DDB1: variants seen among roughly 807,000 people sequenced by gnomAD.
The protein encoded by DDB1 is damage specific DNA binding protein 1, also known as DNA damage-binding protein 1.
Under a neutral mutation model 133.1 loss-of-function variants are expected in DDB1, and 18 were observed. The ratio of observed to expected loss-of-function variants is 0.14; its 90% CI spans 0.09 to 0.20. The LOEUF (loss-of-function observed/expected upper bound fraction) is 0.20. Among genes scored for constraint, DDB1 ranks in the 10% least tolerant of loss-of-function variants. The pLI is 1.00. For synonymous variants in DDB1, 580 were observed against 550.5 expected, an observed-to-expected ratio of 1.05 and a Z score of -0.75; for missense variants, 828 against 1,459.2, an observed-to-expected ratio of 0.57 and a Z score of 7.05.
Position 61,323,017 on chromosome 11 carries a change from A to T in DDB1, c.999T>A (p.Leu333=), listed in dbSNP as rs944213347. ...FVGSRLGDSQ[L]VKLNVDSNEQ... ...GAAACAAGTGTCTTCTCACCTTCAC[A>T]AGCTGGGAGTCACCCAGGCGAGACC... The change falls in exon 8 of 27, where the codon CTT becomes CTA. Residue 333 remains leucine, a synonymous_variant. Transcript: ENST00000301764. 1 of 1,613,538 alleles carries T rather than the reference A, an allele frequency of 6.2e-7. No individual in the cohort carries two copies. The highest frequency in any genetic ancestry group is 1.7e-5 in the Admixed American group (1 of 59,878).
chr11:61,331,563 T>C lies in DDB1; in HGVS notation c.190A>G (p.Met64Val), dbSNP rs557806013. The change falls in exon 2 of 27, where the codon ATG becomes GTG. Residue 64 changes from methionine to valine, a missense_variant. Physicochemically the swap from Met to Val is conservative, Grantham distance 21. Coordinates refer to ENST00000301764, the MANE Select transcript of DDB1 (RefSeq NM_001923.5). ...EVGMYGKIAV[M>V]ELFRPKGESK... Reference sequence around the variant, plus strand: ...CTTACCTTGGGCCTGAAAAGCTCCATGACCGCAATCTTCCCATACATGCCC... The same window carrying C: ...CTTACCTTGGGCCTGAAAAGCTCCACGACCGCAATCTTCCCATACATGCCC... The C allele has an allele frequency of 1.2e-6, 2 of 1,614,188 alleles. No homozygotes were observed. Among genetic ancestry groups the C allele is most frequent in the Admixed American group, 1.7e-5 (1 of 60,018 alleles).
At chr11:61,303,730 T>G in intron 22 of DDB1, 135 bp downstream of exon 22, 1 of 466,590 alleles carries the variant, frequency 2.1e-6, no homozygotes, top group Non-Finnish European at 3.6e-6. Flanking sequence ...AAAAACTTAA[T>G]CAATGTAGAA....
At chr11:61,319,089 C>G (rs1856135027) in intron 10 of DDB1, among the ~76,000 whole-genome samples, 2 of 152,136 alleles carry the variant, frequency 1.3e-5, no homozygotes, top group Non-Finnish European at 2.9e-5. Context: ...GGTTGGAGTC[C>G]CAGCTACTGG....
At chr11:61,330,199 A>T in intron 2 of DDB1, 125 bp from the exon 3 acceptor site, 2 of 709,028 alleles carry the variant, frequency 2.8e-6, no homozygotes, top group South Asian at 3.9e-5. Flanking sequence ...GAGAAAATAC[A>T]TGGTGAGCTT....
intron 19 of DDB1, 31 bp from the exon 20 acceptor site, chr11:61,309,991 C>T: frequency 6.2e-7 from 1 of 1,614,084 alleles, no homozygotes; most frequent in Non-Finnish European, 8.5e-7. Flanking sequence ...TACGTGATGA[C>T]AGGTTACCCA....
chr11:61,325,685 T>C lies in DDB1; in HGVS notation c.688A>G (p.Ile230Val). ...IAVPEPFGGA[I>V]IIGQESITYH... ...GTGATTGACTCCTGTCCAATGATGA[T>C]GGCCCCCCCAAAGGGCTCTGGGACT... Residue 230 changes from isoleucine to valine, a missense_variant, in exon 6 of 27, where the codon ATC becomes GTC. By Grantham distance (29) the Ile-to-Val change is conservative. Around this residue, in one of 7 missense-constraint regions of DDB1, gnomAD observed 210 missense variants for 344.8 expected, o/e 0.61. Coordinates refer to ENST00000301764, the MANE Select transcript of DDB1 (RefSeq NM_001923.5). The C allele has an allele frequency of 6.2e-7, 1 of 1,613,274 alleles. No individual in the cohort carries two copies. The highest frequency in any genetic ancestry group is 8.5e-7 in the Non-Finnish European group (1 of 1,179,656).
intron 19 of DDB1, 61 bp from the exon 20 acceptor site, chr11:61,310,021 C>T (rs529406512): frequency 8.7e-6 from 14 of 1,606,332 alleles, no homozygotes; most frequent in East Asian, 2.2e-5. Context: ...GCACACATAA[C>T]CCCGTATTTC....
rs762801897 is a variant in DDB1, at chr11:61,314,147, T to A, written c.1653A>T (p.Gly551=). 1 of 1,613,930 alleles carries A rather than the reference T, an allele frequency of 6.2e-7. No individual in the cohort carries two copies. Among genetic ancestry groups the A allele is most frequent in the Non-Finnish European group, 8.5e-7 (1 of 1,179,906 alleles). The change falls in exon 14 of 27, where the codon GGA becomes GGT. Residue 551 remains glycine, a synonymous_variant. Coordinates refer to ENST00000301764, the MANE Select transcript of DDB1 (RefSeq NM_001923.5). ...GGCCAATGGCACAAAGAGGGGACAG[T>A]CCATTGCTGTCTCCTAATGGGGTGA... ...LDITPLGDSN[G]LSPLCAIGLW...
intron 6 of DDB1, among the ~76,000 whole-genome samples, chr11:61,324,699 T>C (rs1015697312): frequency 6.6e-6 from 1 of 152,216 alleles, no homozygotes; most frequent in Non-Finnish European, 1.5e-5. Context: ...TTTGTTCTTT[T>C]TTCTCAAAAA....
intron 12 of DDB1, chr11:61,316,042 C>T (rs951221376): frequency 9.6e-6 from 4 of 418,424 alleles, no homozygotes; most frequent in Non-Finnish European, 1.7e-5. Context: ...TGACCCGAGT[C>T]TATAAAAGAA....
At position 61,331,531 on chromosome 11, in the gene DDB1, T is replaced by C. The variant is rs749007029; in HGVS notation, c.210+12A>G. The stretch of plus-strand genomic sequence containing the variant: ...TTCCCCCTCCACTGCTTGTCCCAAC[T>C]GCAACACTTACCTTGGGCCTGAAAA... On this transcript the variant is annotated intron_variant, in intron 2 of 26. Coordinates refer to ENST00000301764, the MANE Select transcript of DDB1 (RefSeq NM_001923.5). 8 of 1,612,652 alleles carry C rather than the reference T, an allele frequency of 5.0e-6. No homozygotes were observed. Among genetic ancestry groups the C allele is most frequent in the Non-Finnish European group, 2.5e-6 (3 of 1,178,794 alleles).
Position 61,300,190 on chromosome 11 carries a change from C to T in DDB1, c.3369G>A (p.Glu1123=). ...CCTTGATGAGGTCGTCTGCAGTGGCCTCTCGCTTCATACCGCTGCCATCGT... is the reference window on the plus strand; with the variant it reads ...CCTTGATGAGGTCGTCTGCAGTGGCTTCTCGCTTCATACCGCTGCCATCGT... ...QYDDGSGMKR[E]ATADDLIKVV... Residue 1123 remains glutamate (E), a synonymous_variant, in exon 27 of 27, where the codon GAG becomes GAA. Coordinates refer to ENST00000301764, the MANE Select transcript of DDB1 (RefSeq NM_001923.5). The T allele has an allele frequency of 6.2e-7, 1 of 1,614,154 alleles. No individual in the cohort carries two copies. The highest frequency in any genetic ancestry group is 8.5e-7 in the Non-Finnish European group (1 of 1,180,038).
intron 22 of DDB1, 60 bp from the exon 23 acceptor site, chr11:61,303,215 C>A: frequency 1.3e-6 from 2 of 1,502,572 alleles, no homozygotes; most frequent in South Asian, 1.1e-5. Context: ...GAATCCAGTT[C>A]TGGGACTTGT....
chr11:61,333,028 C>G lies in DDB1; in HGVS notation c.-60G>C. On this transcript the variant is annotated 5_prime_UTR_variant, in exon 1 of 27. Transcript: ENST00000301764. ...GCGACACTAGAAAGAGGGACACAAGCGAAAAGACAGGTGGCCCCCAACAGC... is the reference window on the plus strand; with the variant it reads ...GCGACACTAGAAAGAGGGACACAAGGGAAAAGACAGGTGGCCCCCAACAGC... 7.1e-7 allele frequency: 1 copy of G among 1,410,970 alleles called. No individual in the cohort carries two copies. Among genetic ancestry groups the G allele is most frequent in the Non-Finnish European group, 9.4e-7 (1 of 1,060,724 alleles). The allele number at this position is 1,410,970 out of a possible 1,614,324, so 87.4% of individuals were successfully genotyped here.
intron 10 of DDB1, among the ~76,000 whole-genome samples, chr11:61,316,946 G>GATAGATAT (rs1856083561): frequency 1.0e-4 from 3 of 29,076 alleles, no homozygotes; most frequent in Non-Finnish European, 1.6e-4. Context: ...AAAAAGGATA[G>GATAGATAT]ATATATATAT....
rs1415684383 is a variant in DDB1 at position 61,329,396 on chromosome 11, A to G, written c.516T>C (p.Gly172=). Residue 172 remains glycine, a synonymous_variant, in exon 4 of 27, where the codon GGT becomes GGC. Transcript: ENST00000301764. ...CAAAGCAAATAGTAGGTGCTTGGCA[A>G]CCATATAGGAACTTGACATCAATGA... is the stretch of plus-strand genomic sequence containing the variant. ...LHVIDVKFLY[G]CQAPTICFVY... is the part of the protein sequence containing the mutation. The G allele has an allele frequency of 6.2e-7, 1 of 1,614,232 alleles. No homozygotes were observed. The highest frequency in any genetic ancestry group is 8.5e-7 in the Non-Finnish European group (1 of 1,180,042).
At chr11:61,317,534 T>C (rs911816049) in intron 10 of DDB1, among the ~76,000 whole-genome samples, 1 of 152,014 alleles carries the variant, frequency 6.6e-6, no homozygotes, top group African/African-American at 2.4e-5. Flanking sequence ...TGAGACGGAG[T>C]CTTGCTCTGT....
chr11:61,301,951 T>C, intron 25 of DDB1: 1 of 247,432 alleles, frequency 4.0e-6, no homozygotes, highest in South Asian at 7.1e-5. Flanking sequence ...TGTGTTGTGA[T>C]CTAAATTCAC....
At chr11:61,302,947 G>T in intron 23 of DDB1, 99 bp downstream of exon 23, 1 of 1,320,372 alleles carries the variant, frequency 7.6e-7, no homozygotes, top group Admixed American at 1.9e-5. Context: ...TCTGTAAACA[G>T]GAGCACCTGA....
Sources: allele counts gnomAD v4.1 joint callset (sites outside exome capture counted in the v4.1 genomes callset), GRCh38; gene constraint gnomAD v4.1.1; regional missense constraint gnomAD v4.1.1; transcripts MANE v1.5; gene names NCBI Gene and HGNC (gene_info 2026-07-23, HGNC 2026-07-21).